The following MLXIP variants were observed in gnomAD, a reference collection of about 807,000 sequenced individuals.
MLXIP encodes the protein MLX-interacting protein.
In MLXIP, 30 loss-of-function variants were observed where a neutral mutation model predicts 87.2. That is an observed-to-expected ratio of 0.34 (90% CI 0.26 to 0.47). The LOEUF is 0.47. MLXIP is among the 20% of genes least tolerant of loss of function. The probability of loss-of-function intolerance (pLI) is 1.00; values close to 1 mark genes in which losing one functional copy is unlikely to be tolerated. For missense variants in MLXIP, 1,002 were observed against 1,240.1 expected, an observed-to-expected ratio of 0.81 and a Z score of 2.88; for synonymous variants, 530 against 514.0, an observed-to-expected ratio of 1.03 and a Z score of -0.42.
At chr12:122,136,141 TAGTC>T (rs1189533167) in intron 11 of MLXIP, 6 of 157,240 alleles carry the variant, frequency 3.8e-5, no homozygotes, top group Admixed American at 1.9e-4. Flanking sequence ...AGGGGCAAGA[TAGTC>T]AGAGCAGGAC....
chr12:122,079,194 A>C lies in MLXIP; in HGVS notation c.341A>C (p.Lys114Thr). Residue 114 changes from lysine to threonine, a missense_variant, in exon 1 of 17, where the codon AAG (lysine) becomes ACG (threonine). Transcript: ENST00000319080. ...ACGTGCCAGACCTACAGCTTCGGCAAGACTAGCTCCTGCCACCTGTCCATC... is the reference window on the plus strand; with the variant it reads ...ACGTGCCAGACCTACAGCTTCGGCACGACTAGCTCCTGCCACCTGTCCATC... The part of the protein sequence containing the change: ...KQTCQTYSFG[K>T]TSSCHLSIDA... The C allele has an allele frequency of 1.3e-6, 2 of 1,551,078 alleles. No homozygotes were observed. The highest frequency in any genetic ancestry group is 1.7e-6 in the Non-Finnish European group (2 of 1,146,770).
rs1470966731 is a variant in MLXIP at position 122,135,102 on chromosome 12, T to G, written c.1733-122T>G. 1.6e-6 allele frequency: 2 copies of G among 1,282,324 alleles called. No individual in the cohort carries two copies. Among genetic ancestry groups the G allele is most frequent in the African/African-American group, 3.0e-5 (2 of 67,794 alleles). The allele number at this position is 1,282,324 out of a possible 1,614,324, so 79.4% of individuals were successfully genotyped here. The stretch of plus-strand genomic sequence containing the variant: ...AAATGGTTTTAGGTGCCTTGGTGGC[T>G]TTGTCTTCCTGTCCCCTGGGGTTGA... On this transcript the variant is annotated intron_variant, in intron 9 of 16. Transcript: ENST00000319080. This position sits in a 1 kb window ranked among gnomAD's most constrained non-coding sequence, Gnocchi z 5.3.
In MLXIP at chr12:122,130,098, A is replaced by G. The variant is rs768599370; in HGVS notation, c.896A>G (p.Asn299Ser). 7 of 1,613,396 alleles carry G rather than the reference A, an allele frequency of 4.3e-6. No homozygotes were observed. The highest frequency in any genetic ancestry group is 3.3e-5 in the Admixed American group (2 of 59,944). Reference protein sequence around the residue: ...LSSHQPVAWPNPREIAHLGNA... With the variant: ...LSSHQPVAWPSPREIAHLGNA... ...TCACACCAGCCGGTGGCCTGGCCCAATCCCCGGGAAATAGGTAACCCAAAC... is the reference window on the plus strand; with the variant it reads ...TCACACCAGCCGGTGGCCTGGCCCAGTCCCCGGGAAATAGGTAACCCAAAC... Residue 299 changes from asparagine to serine, a missense_variant, in exon 6 of 17, where the codon AAT becomes AGT. By Grantham distance (46) the Asn-to-Ser change is conservative. Coordinates refer to ENST00000319080, the MANE Select transcript of MLXIP (RefSeq NM_014938.6).
intron 1 of MLXIP, among the ~76,000 whole-genome samples, chr12:122,087,820 C>T (rs887462806): frequency 6.6e-6 from 1 of 152,096 alleles, no homozygotes. Flanking sequence ...CAGACTAGGA[C>T]GGTAGCAGCG....
intron 1 of MLXIP, among the ~76,000 whole-genome samples, chr12:122,116,907 A>G (rs1445341852): frequency 6.6e-6 from 1 of 152,202 alleles, no homozygotes; most frequent in African/African-American, 2.4e-5. Flanking sequence ...TGGTCTAGAC[A>G]TGGTGGTGTC....
Position 122,086,837 on chromosome 12 carries a change from CTCT to C in MLXIP, c.413+7577_413+7579del, listed in dbSNP as rs999260184. The stretch of plus-strand genomic sequence containing the variant: ...TGCTAGGTCCCCCGCGGGGGAGATG[CTCT>C]TCTTCACTGTCCGGCCAGACGCCTT... On this transcript the variant is annotated intron_variant, in intron 1 of 16. Coordinates refer to ENST00000319080, the MANE Select transcript of MLXIP (RefSeq NM_014938.6). Among the ~76,000 whole-genome samples the C allele has an allele frequency of 2.0e-5, 3 of 152,150 alleles. No individual in the cohort carries two copies. In the East Asian group the frequency reaches 5.8e-4, roughly 29 times the overall value.
Position 122,135,409 on chromosome 12 carries a change from G to C in MLXIP, c.1854+64G>C. ...ACCCCGGAGCACTCTGATCTTGGGC[G>C]GCCCTCACCTGAGACGACTGGTGTG... On this transcript the variant is annotated intron_variant, in intron 10 of 16. Transcript: ENST00000319080. This position sits in a 1 kb window ranked among gnomAD's most constrained non-coding sequence, Gnocchi z 5.3. 1 of 1,600,014 alleles carries C rather than the reference G, an allele frequency of 6.2e-7. No individual in the cohort carries two copies. The highest frequency in any genetic ancestry group is 8.5e-7 in the Non-Finnish European group (1 of 1,172,480).
At chr12:122,131,476 G>A (rs1042871863) in intron 7 of MLXIP, among the ~76,000 whole-genome samples, 3 of 141,452 alleles carry the variant, frequency 2.1e-5, no homozygotes, top group African/African-American at 8.0e-5. Flanking sequence ...TAGAGACAGG[G>A]TCTTGCACTG....
At chr12:122,100,634 A>G (rs140511912) in intron 1 of MLXIP, among the ~76,000 whole-genome samples, 105,051 of 152,100 alleles carry the variant, frequency 0.69, 36,473 homozygotes, top group East Asian at 0.75. Context: ...TTGAATGATC[A>G]TCTCCTCTAG....
Position 122,133,652 on chromosome 12 carries a change from C to G in MLXIP, c.1397C>G (p.Pro466Arg). The G allele has an allele frequency of 6.2e-7, 1 of 1,613,494 alleles. No homozygotes were observed. The highest frequency in any genetic ancestry group is 1.6e-4 in the Middle Eastern group (1 of 6,062). ...PATALNPPAP[P>R]TFHQPQKFAG... ...ACTGCCCTGAACCCCCCGGCTCCAC[C>G]CACCTTCCATCAGCCACAGAAGTTT... The change falls in exon 9 of 17, where the codon CCC becomes CGC. Residue 466 changes from proline (P) to arginine (R), a missense_variant. Coordinates refer to ENST00000319080, the MANE Select transcript of MLXIP (RefSeq NM_014938.6). The surrounding 1 kb of genome is among the most constrained non-coding windows in gnomAD (Gnocchi z 4.9).
intron 1 of MLXIP, among the ~76,000 whole-genome samples, chr12:122,121,768 C>T (rs1026542452): frequency 2.0e-5 from 3 of 152,132 alleles, no homozygotes; most frequent in Non-Finnish European, 4.4e-5. Context: ...TCTTGCCAGC[C>T]CTCTGAGGAA....
chr12:122,107,584 C>T (rs1952540460), intron 1 of MLXIP, among the ~76,000 whole-genome samples: 1 of 152,194 alleles, frequency 6.6e-6, no homozygotes, highest in South Asian at 2.1e-4. Flanking sequence ...AGTCAGTCTG[C>T]TCTAAATACC....
At chr12:122,120,207 C>T (rs998280119) in intron 1 of MLXIP, among the ~76,000 whole-genome samples, 4 of 151,664 alleles carry the variant, frequency 2.6e-5, no homozygotes, top group African/African-American at 7.3e-5. Flanking sequence ...CTTCCTTCCC[C>T]TTCTCTTTCT....
chr12:122,113,041 A>G (rs117758563), intron 1 of MLXIP, among the ~76,000 whole-genome samples: 18 of 152,352 alleles, frequency 1.2e-4, no homozygotes, highest in South Asian at 6.2e-4. Context: ...TGTTTATTTG[A>G]AACAGCACGT....
rs1381400048 is a variant in MLXIP, at chr12:122,142,237, T to C, written c.*425T>C. The C allele has an allele frequency of 1.4e-6, 1 of 699,584 alleles. No individual in the cohort carries two copies. The highest frequency in any genetic ancestry group is 2.0e-5 in the Admixed American group (1 of 49,934). 43.3% of individuals were successfully genotyped at this position (699,584 alleles called of 1,614,324 possible). A position where few individuals can be genotyped will look rare whatever the true frequency, so the allele number is the denominator to read the frequency against. On this transcript the variant is annotated 3_prime_UTR_variant, in exon 17 of 17. Coordinates refer to ENST00000319080, the MANE Select transcript of MLXIP (RefSeq NM_014938.6). ...TCCTGCCACGTCCTGTCCACATGCATGCCTCTGCCTGATGCCCTGCTCCAC... is the reference window on the plus strand; with the variant it reads ...TCCTGCCACGTCCTGTCCACATGCACGCCTCTGCCTGATGCCCTGCTCCAC...
rs1241535949 is a variant in MLXIP at position 122,141,930 on chromosome 12, G to C, written c.*118G>C. ...AGCCTCGGGGCCTCTCTCCAACTCT[G>C]CCGGCCCACCGTGGCATCGGGAGGC... is the stretch of plus-strand genomic sequence containing the variant. On this transcript the variant is annotated 3_prime_UTR_variant, in exon 17 of 17. Coordinates refer to ENST00000319080, the MANE Select transcript of MLXIP (RefSeq NM_014938.6). 7.9e-5 allele frequency: 117 copies of C among 1,477,522 alleles called. No homozygotes were observed. Among genetic ancestry groups the C allele is most frequent in the Non-Finnish European group, 1.0e-4 (114 of 1,100,804 alleles). 91.5% of individuals were successfully genotyped at this position (1,477,522 alleles called of 1,614,324 possible).
intron 1 of MLXIP, among the ~76,000 whole-genome samples, chr12:122,083,703 C>T (rs1952124660): frequency 6.6e-6 from 1 of 152,140 alleles, no homozygotes; most frequent in Non-Finnish European, 1.5e-5. Context: ...CGTGAGCCAC[C>T]GGGCCCGGCT....
At position 122,137,435 on chromosome 12, in the gene MLXIP, G is replaced by A. The variant is rs761139017; in HGVS notation, c.2033-34G>A. The A allele has an allele frequency of 1.3e-6, 2 of 1,597,212 alleles. No individual in the cohort carries two copies. The highest frequency in any genetic ancestry group is 2.7e-5 in the African/African-American group (2 of 74,328). ...CCTCCTGGTGGCGTTGAGGGGCCAG[G>A]CCTCCGCCCCTCAGAGGAGTCTGTT... On this transcript the variant is annotated intron_variant, in intron 11 of 16. Transcript: ENST00000319080. The surrounding 1 kb of genome is among the most constrained non-coding windows in gnomAD (Gnocchi z 4.1).
At chr12:122,139,048 A>G (rs9668430) in intron 15 of MLXIP, 110 bp downstream of exon 15, 302,678 of 1,481,862 alleles carry the variant, frequency 0.2, 31,781 homozygotes, top group East Asian at 0.29. Context: ...CCTGTCACCA[A>G]GCTCCTCACG....
Sources: gnomAD v4.1 joint callset for allele counts (sites outside exome capture counted in the v4.1 genomes callset) on GRCh38, gnomAD v4.1.1 for gene constraint, Gnocchi (gnomAD v3.1) non-coding constraint, MANE v1.5 for transcripts, NCBI Gene and HGNC (gene_info 2026-07-23, HGNC 2026-07-21) for gene names.